The following PTPN14 variants were observed in gnomAD, a reference collection of about 807,000 sequenced individuals.
PTPN14 encodes tyrosine-protein phosphatase non-receptor type 14.
Under a neutral mutation model 126.8 loss-of-function variants are expected in PTPN14, and 53 were observed. That is an observed-to-expected ratio of 0.42 (90% CI 0.34 to 0.53). The LOEUF (loss-of-function observed/expected upper bound fraction) is 0.53. PTPN14 is among the 20% of genes least tolerant of loss of function. The pLI, the probability that PTPN14 is intolerant of heterozygous loss-of-function variation, is 0.08. For synonymous variants in PTPN14, 630 were observed against 599.3 expected (o/e 1.05, Z -0.75); for missense variants, 1,257 against 1,552.9 (o/e 0.81, Z 3.20).
At chr1:214,406,907 G>C (rs538786516) in intron 5 of PTPN14, among the ~76,000 whole-genome samples, 9 of 152,254 alleles carry the variant, frequency 5.9e-5, no homozygotes, top group African/African-American at 2.2e-4. Flanking sequence ...CCTTTAATGA[G>C]AGTAAGGCGA....
intron 1 of PTPN14, among the ~76,000 whole-genome samples, chr1:214,517,944 C>A (rs1322385646): frequency 2.6e-5 from 4 of 151,916 alleles, no homozygotes; most frequent in Non-Finnish European, 5.9e-5. Flanking sequence ...GACTCAATCT[C>A]TAAAAATAAA....
At chr1:214,449,376 T>C (rs1263200690) in intron 3 of PTPN14, among the ~76,000 whole-genome samples, 1 of 152,204 alleles carries the variant, frequency 6.6e-6, no homozygotes, top group Non-Finnish European at 1.5e-5. Flanking sequence ...GAGTCCCTCT[T>C]TATTTCAACT....
At chr1:214,358,085 A>G in intron 18 of PTPN14, 35 bp from the exon 19 acceptor site, 1 of 1,607,680 alleles carries the variant, frequency 6.2e-7, no homozygotes. Context: ...AGGTCCTGAG[A>G]CAGGAGGCTT....
At chr1:214,362,646 G>A (rs1046595519) in intron 18 of PTPN14, among the ~76,000 whole-genome samples, 2 of 152,216 alleles carry the variant, frequency 1.3e-5, no homozygotes, top group Non-Finnish European at 2.9e-5. Flanking sequence ...ATAGTCTTTC[G>A]TGTCAGACAA....
intron 1 of PTPN14, among the ~76,000 whole-genome samples, chr1:214,539,527 CTCTTT>C (rs1356605356): frequency 6.6e-6 from 1 of 152,196 alleles, no homozygotes; most frequent in Non-Finnish European, 1.5e-5. Flanking sequence ...ACTGTGCATT[CTCTTT>C]TATCATACCC....
chr1:214,368,530 T>A (rs895106143), intron 17 of PTPN14, among the ~76,000 whole-genome samples: 6 of 152,170 alleles, frequency 3.9e-5, no homozygotes, highest in African/African-American at 1.2e-4. Context: ...TCCTTTTTTT[T>A]AAAATGTGCT....
intron 1 of PTPN14, among the ~76,000 whole-genome samples, chr1:214,550,112 T>G (rs1312944501): frequency 6.6e-6 from 1 of 152,192 alleles, no homozygotes; most frequent in Non-Finnish European, 1.5e-5. Context: ...GAACCCCTCT[T>G]CCATGTATTA....
In PTPN14 at chr1:214,383,475, T is replaced by C; in HGVS notation, c.2380A>G (p.Thr794Ala). The change falls in exon 13 of 19, where the codon ACT (threonine) becomes GCT (alanine). Residue 794 changes from threonine to alanine, a missense_variant. Transcript: ENST00000366956. The surrounding 1 kb of genome is among the most constrained non-coding windows in gnomAD (Gnocchi z 4.4). ...GCCCCGTTGACAGCCGGCGGGTCAG[T>C]CCGAGACATGCTGATGGCCTTGGCT... ...GPAKAISMSR[T>A]DPPAVNGASL... 6.2e-7 allele frequency: 1 copy of C among 1,614,218 alleles called. No individual in the cohort carries two copies.
intron 5 of PTPN14, among the ~76,000 whole-genome samples, chr1:214,410,377 C>T (rs1449664661): frequency 6.6e-6 from 1 of 151,704 alleles, no homozygotes; most frequent in Non-Finnish European, 1.5e-5. Context: ...TCACTGCAAC[C>T]TCCACCAGGG....
chr1:214,509,230 T>C (rs1654911549), intron 1 of PTPN14, among the ~76,000 whole-genome samples: 2 of 152,236 alleles, frequency 1.3e-5, no homozygotes, highest in South Asian at 4.1e-4. Context: ...AAATCTGTTA[T>C]TTAGTGTAGC....
intron 1 of PTPN14, chr1:214,529,891 T>C (rs1272393807): frequency 1.3e-5 from 2 of 151,920 alleles, no homozygotes; most frequent in African/African-American, 4.8e-5. Context: ...AAAATATATA[T>C]ATATATTAAC....
chr1:214,447,013 G>A (rs1660159279), intron 3 of PTPN14, among the ~76,000 whole-genome samples: 1 of 152,142 alleles, frequency 6.6e-6, no homozygotes, highest in South Asian at 2.1e-4. Context: ...ATCTTACTCT[G>A]CAGGGCATCA....
intron 1 of PTPN14, among the ~76,000 whole-genome samples, chr1:214,520,065 A>AAAAAAAAAAAAATAT: frequency 7.0e-5 from 5 of 71,110 alleles, no homozygotes; most frequent in Admixed American, 1.6e-4. Context: ...AAAAAAAAAA[A>AAAAAAAAAAAAATAT]ATATATATAT....
At chr1:214,517,229 G>A (rs898500161) in intron 1 of PTPN14, among the ~76,000 whole-genome samples, 1 of 152,140 alleles carries the variant, frequency 6.6e-6, no homozygotes, top group Non-Finnish European at 1.5e-5. Flanking sequence ...TGAAGGCATG[G>A]TCAGTGTACT....
chr1:214,547,904 T>C (rs60903250), intron 1 of PTPN14, among the ~76,000 whole-genome samples: 2,420 of 142,170 alleles, frequency 0.017, 57 homozygotes, highest in African/African-American at 0.053. Flanking sequence ...TTTGAGCCAA[T>C]AGACTGAAAA....
rs1286518641 is a variant in PTPN14, at chr1:214,523,850, C to CTT, written c.-155+27331_-155+27332dup. 3.4e-3 allele frequency among the ~76,000 whole-genome samples: 461 copies of CTT among 134,466 alleles called. 9 individuals are homozygous for CTT. Among genetic ancestry groups the CTT allele is most frequent in the Middle Eastern group, 0.012 (3 of 252 alleles). 88.2% of individuals were successfully genotyped at this position (134,466 alleles called of 152,430 possible). A position where few individuals can be genotyped will look rare whatever the true frequency, so the allele number is the denominator to read the frequency against. ...AATAGTATTTGAGAGTAATCAGATT[C>CTT]TTTTTTTTTTTTTTTTTGAGATAGA... On this transcript the variant is annotated intron_variant, in intron 1 of 18. Coordinates refer to ENST00000366956, the MANE Select transcript of PTPN14 (RefSeq NM_005401.5).
chr1:214,483,567 T>A (rs949023249), intron 1 of PTPN14, among the ~76,000 whole-genome samples: 1 of 152,220 alleles, frequency 6.6e-6, no homozygotes, highest in African/African-American at 2.4e-5. Context: ...TACTCTGTTA[T>A]GCTATTTACA....
At chr1:214,479,843 C>A (rs1660948229) in intron 1 of PTPN14, among the ~76,000 whole-genome samples, 1 of 152,010 alleles carries the variant, frequency 6.6e-6, no homozygotes, top group Non-Finnish European at 1.5e-5. Flanking sequence ...AAAAAAATCA[C>A]CCACGTCACC....
At position 214,389,041 on chromosome 1, in the gene PTPN14, C is replaced by T. The variant is rs183155440; in HGVS notation, c.987+1947G>A. ...AAAAGGTGCTATATTCCCAAGTCTC[C>T]CTTTGGCTGATTTTTGAGTTGCAAT... On this transcript the variant is annotated intron_variant, in intron 11 of 18. Transcript: ENST00000366956. Among the ~76,000 whole-genome samples the T allele has an allele frequency of 4.1e-3, 632 of 152,316 alleles. 2 individuals carry two copies. Among genetic ancestry groups the T allele is most frequent in the African/African-American group, 0.014 (573 of 41,564 alleles).
Sources: gnomAD v4.1 joint callset for allele counts (sites outside exome capture counted in the v4.1 genomes callset) on GRCh38, gnomAD v4.1.1 for gene constraint, Gnocchi (gnomAD v3.1) non-coding constraint, MANE v1.5 for transcripts, NCBI Gene and HGNC (gene_info 2026-07-23, HGNC 2026-07-21) for gene names.